The following TM4SF4 variants were observed in gnomAD, a reference collection of about 807,000 sequenced individuals.
The protein encoded by TM4SF4 is transmembrane 4 L6 family member 4.
In TM4SF4, 24 loss-of-function variants were observed where a neutral mutation model predicts 24.1. That is an observed-to-expected ratio of 1.00 (90% CI 0.72 to 1.40). The LOEUF is 1.40. TM4SF4 is among the 40% of genes most tolerant of loss of function. The pLI, the probability that TM4SF4 is intolerant of heterozygous loss-of-function variation, is 0.00. For missense variants in TM4SF4, 254 were observed against 254.2 expected (o/e 1.00, Z 0.01); for synonymous variants, 113 against 97.0 (o/e 1.17, Z -0.97).
At chr3:149,475,683 C>A in intron 1 of TM4SF4, 140 bp from the exon 2 acceptor site, 2 of 685,260 alleles carry the variant, frequency 2.9e-6, no homozygotes, top group Middle Eastern at 2.7e-4. Flanking sequence ...CATTACCCCT[C>A]CAGCCATGCT....
chr3:149,496,024 A>G, intron 3 of TM4SF4: 1 of 220,892 alleles, frequency 4.5e-6, no homozygotes, highest in Non-Finnish European at 9.2e-6. Context: ...TGTTCCTAAC[A>G]CCTGCCACTA....
intron 3 of TM4SF4, chr3:149,495,120 C>A: frequency 7.8e-6 from 2 of 255,770 alleles, no homozygotes; most frequent in East Asian, 1.1e-4. Flanking sequence ...CCACAGAGCC[C>A]CTCTACAGCC....
intron 2 of TM4SF4, among the ~76,000 whole-genome samples, chr3:149,484,403 AGATGGACT>A (rs1228489368): frequency 3.9e-5 from 6 of 152,034 alleles, no homozygotes. Context: ...TATTTTTTTG[AGATGGACT>A]CTCGCTCTGT....
rs1325474820 is a variant in TM4SF4 at position 149,475,793 on chromosome 3, C to G, written c.175-30C>G. ...TCGGGCCCTCCCTTCAACTCCTGGACTCTCTCTGAGGTGCCTCTTCTCCTG... is the reference window on the plus strand; with the variant it reads ...TCGGGCCCTCCCTTCAACTCCTGGAGTCTCTCTGAGGTGCCTCTTCTCCTG... On this transcript the variant is annotated intron_variant, in intron 1 of 4. Coordinates refer to ENST00000305354, the MANE Select transcript of TM4SF4 (RefSeq NM_004617.4). The G allele has an allele frequency of 2.5e-6, 4 of 1,577,650 alleles. No homozygotes were observed. In the African/African-American group the frequency reaches 5.4e-5, roughly 21 times the overall value.
chr3:149,501,793 C>T (rs1053678899), intron 4 of TM4SF4, among the ~76,000 whole-genome samples: 6 of 152,214 alleles, frequency 3.9e-5, no homozygotes, highest in African/African-American at 1.4e-4. Flanking sequence ...AGTGTAAGAT[C>T]AACATCTATC....
At chr3:149,483,838 C>G (rs1367589858) in intron 2 of TM4SF4, among the ~76,000 whole-genome samples, 1 of 152,040 alleles carries the variant, frequency 6.6e-6, no homozygotes, top group African/African-American at 2.4e-5. Context: ...TGGAGTGCAG[C>G]GGTGTGATCT....
intron 3 of TM4SF4, among the ~76,000 whole-genome samples, chr3:149,494,425 T>G (rs1734275038): frequency 6.6e-6 from 1 of 152,332 alleles, no homozygotes; most frequent in South Asian, 2.1e-4. Flanking sequence ...AAACTCAGGA[T>G]TGCCAATTCT....
chr3:149,491,471 A>AAAAACAAAACAAAAC lies in TM4SF4; in HGVS notation c.401+3731_401+3745dup, dbSNP rs56119981. On this transcript the variant is annotated intron_variant, in intron 3 of 4. Transcript: ENST00000305354. ...ACAGAGCCAGACCCTGTCTCAAACA[A>AAAAACAAAACAAAAC]AAAACAAAACAAAACAAAACAAAAC... 7.5e-4 allele frequency among the ~76,000 whole-genome samples: 113 copies of AAAAACAAAACAAAAC among 150,800 alleles called. No homozygotes were observed. The South Asian group carries it at 0.02, about 27-fold the overall frequency.
chr3:149,475,063 A>AG lies in TM4SF4; in HGVS notation c.174+13dup. The AG allele has an allele frequency of 2.0e-6, 3 of 1,528,024 alleles. No homozygotes were observed. Among genetic ancestry groups the AG allele is most frequent in the African/African-American group, 1.5e-5 (1 of 68,270 alleles). The allele number at this position is 1,528,024 out of a possible 1,614,324, so 94.7% of individuals were successfully genotyped here. ...GAAGCGGTGTCTTGGTGAGTAGGGA[A>AG]GCTTAAAATCCCCCTAAGGGAGATT... is the stretch of plus-strand genomic sequence containing the variant. On this transcript the variant is annotated intron_variant, in intron 1 of 4. Coordinates refer to ENST00000305354, the MANE Select transcript of TM4SF4 (RefSeq NM_004617.4).
In TM4SF4 at chr3:149,474,881, T is replaced by A; in HGVS notation, c.4T>A (p.Cys2Ser). M[C>S]TGGCARCLGG... ...ACCTGTGTCGTACCACCCCAGAATG[T>A]GCACTGGGGGCTGTGCCAGATGCCT... is the stretch of plus-strand genomic sequence containing the variant. The change falls in exon 1 of 5, where the codon TGC becomes AGC. Residue 2 changes from cysteine (C) to serine (S), a missense_variant. Physicochemically the swap from Cys to Ser is moderately radical, Grantham distance 112. Transcript: ENST00000305354. 1 of 1,611,858 alleles carries A rather than the reference T, an allele frequency of 6.2e-7. No homozygotes were observed. Among genetic ancestry groups the A allele is most frequent in the Non-Finnish European group, 8.5e-7 (1 of 1,179,224 alleles).
chr3:149,478,888 C>T (rs377633869), intron 2 of TM4SF4, among the ~76,000 whole-genome samples: 12 of 152,144 alleles, frequency 7.9e-5, no homozygotes, highest in African/African-American at 2.4e-4. Context: ...CTTAGCCTCC[C>T]GAGTAGCTGG....
chr3:149,477,717 C>A (rs2107865925), intron 2 of TM4SF4, among the ~76,000 whole-genome samples: 1 of 152,138 alleles, frequency 6.6e-6, no homozygotes, highest in South Asian at 2.1e-4. Flanking sequence ...AAAAAACCCA[C>A]AATTTAATAT....
intron 2 of TM4SF4, among the ~76,000 whole-genome samples, chr3:149,483,867 G>T (rs1270600647): frequency 6.6e-6 from 1 of 150,536 alleles, no homozygotes; most frequent in Non-Finnish European, 1.5e-5. Context: ...TGCAACCCGT[G>T]CGTCCCATGC....
At chr3:149,487,965 A>G (rs1734148420) in intron 3 of TM4SF4, among the ~76,000 whole-genome samples, 1 of 152,244 alleles carries the variant, frequency 6.6e-6, no homozygotes, top group African/African-American at 2.4e-5. Context: ...CCCAGGAGAA[A>G]TAACTAAAAG....
chr3:149,475,767 C>A lies in TM4SF4; in HGVS notation c.175-56C>A, dbSNP rs371979104. ...GGGGCTCCTTATACAGTCAGGCAGG[C>A]TCGGGCCCTCCCTTCAACTCCTGGA... On this transcript the variant is annotated intron_variant, in intron 1 of 4. Coordinates refer to ENST00000305354, the MANE Select transcript of TM4SF4 (RefSeq NM_004617.4). The A allele has an allele frequency of 1.5e-3, 2,176 of 1,477,450 alleles. 9 individuals carry two copies. The highest frequency in any genetic ancestry group is 0.013 in the African/African-American group (911 of 71,954). 91.5% of individuals were successfully genotyped at this position (1,477,450 alleles called of 1,614,324 possible).
At chr3:149,486,896 C>A (rs577014528) in intron 2 of TM4SF4, among the ~76,000 whole-genome samples, 4 of 152,240 alleles carry the variant, frequency 2.6e-5, no homozygotes, top group African/African-American at 9.6e-5. Context: ...ATAAGTAGAA[C>A]CTGCCTGTCA....
At chr3:149,491,929 C>T (rs987182924) in intron 3 of TM4SF4, among the ~76,000 whole-genome samples, 7 of 152,122 alleles carry the variant, frequency 4.6e-5, no homozygotes, top group South Asian at 2.1e-4. Flanking sequence ...CAGAAGGGGC[C>T]GCCACACGAT....
intron 2 of TM4SF4, among the ~76,000 whole-genome samples, chr3:149,481,648 T>C (rs1734036264): frequency 6.6e-6 from 1 of 152,192 alleles, no homozygotes; most frequent in South Asian, 2.1e-4. Flanking sequence ...AGCACCTACA[T>C]GACCCCAGGA....
chr3:149,496,993 G>C (rs1734322948), intron 3 of TM4SF4, among the ~76,000 whole-genome samples: 1 of 152,034 alleles, frequency 6.6e-6, no homozygotes, highest in South Asian at 2.1e-4. Context: ...AGTATAGTGA[G>C]ACCTCCGTGT....
Sources: gnomAD v4.1 joint callset for allele counts (sites outside exome capture counted in the v4.1 genomes callset) on GRCh38, gnomAD v4.1.1 for gene constraint, MANE v1.5 for transcripts, NCBI Gene and HGNC (gene_info 2026-07-23, HGNC 2026-07-21) for gene names.